Variants in FSTL5 observed in about 807,000 individuals in gnomAD.
FSTL5 encodes the protein follistatin like 5.
In FSTL5, 62 loss-of-function variants were observed where a neutral mutation model predicts 89.1. That is an observed-to-expected ratio of 0.70 (90% confidence interval 0.57 to 0.86). FSTL5 has a LOEUF of 0.86. Ranked by LOEUF, FSTL5 falls within the 40% of genes least tolerant of loss-of-function variation. FSTL5 has a pLI of 0.00. For missense variants in FSTL5, 1,057 were observed against 1,001.6 expected, an observed-to-expected ratio of 1.06 and a Z score of -0.75; for synonymous variants, 383 against 346.2, an observed-to-expected ratio of 1.11 and a Z score of -1.18.
intron 2 of FSTL5, among the ~76,000 whole-genome samples, chr4:162,051,097 C>A (rs1268969766): frequency 1.3e-5 from 2 of 151,300 alleles, no homozygotes; most frequent in Non-Finnish European, 3.0e-5. Context: ...TATGTGTGTG[C>A]AGGGGAGGAT....
chr4:161,898,025 G>T (rs1028442067), intron 4 of FSTL5, among the ~76,000 whole-genome samples: 1 of 150,206 alleles, frequency 6.7e-6, no homozygotes, highest in Non-Finnish European at 1.5e-5. Context: ...TGAATGTAAG[G>T]TCTCTCCATT....
At chr4:161,926,991 TA>T (rs1192333040) in intron 3 of FSTL5, among the ~76,000 whole-genome samples, 2 of 151,806 alleles carry the variant, frequency 1.3e-5, no homozygotes, top group African/African-American at 4.8e-5. Flanking sequence ...TTATGATATT[TA>T]AGGTCTTCTT....
At chr4:161,791,597 GC>G (rs141343881) in intron 4 of FSTL5, among the ~76,000 whole-genome samples, 147 of 152,212 alleles carry the variant, frequency 9.7e-4, no homozygotes, top group African/African-American at 3.5e-3. Flanking sequence ...ACAATAGCAC[GC>G]CGTGGGTCAC....
At chr4:161,962,907 G>T (rs1444579057) in intron 3 of FSTL5, among the ~76,000 whole-genome samples, 1 of 151,888 alleles carries the variant, frequency 6.6e-6, no homozygotes, top group East Asian at 1.9e-4. Context: ...AATTTCATAT[G>T]CTAGATTCAT....
chr4:161,671,549 C>A (rs1039917335), intron 6 of FSTL5, among the ~76,000 whole-genome samples: 1 of 152,106 alleles, frequency 6.6e-6, no homozygotes, highest in Non-Finnish European at 1.5e-5. Flanking sequence ...TCCTTAGACA[C>A]ATGTAAGTTT....
chr4:161,404,995 C>G (rs991841211), intron 15 of FSTL5, among the ~76,000 whole-genome samples: 3 of 152,088 alleles, frequency 2.0e-5, no homozygotes, highest in African/African-American at 7.2e-5. Flanking sequence ...CTTTGGGAGG[C>G]CGAGGTGAGT....
chr4:161,415,560 T>C (rs993299487), intron 15 of FSTL5, among the ~76,000 whole-genome samples: 6 of 151,890 alleles, frequency 4.0e-5, no homozygotes, highest in South Asian at 2.1e-4. Context: ...CGGCCGTCTC[T>C]TCACTTTTGA....
chr4:161,560,971 T>A (rs1210973509), intron 8 of FSTL5, among the ~76,000 whole-genome samples: 1 of 152,000 alleles, frequency 6.6e-6, no homozygotes, highest in Non-Finnish European at 1.5e-5. Context: ...GTATACATAA[T>A]TGTATATGCC....
chr4:161,549,159 AT>A (rs1459753512), intron 8 of FSTL5, among the ~76,000 whole-genome samples: 1 of 151,796 alleles, frequency 6.6e-6, no homozygotes, highest in African/African-American at 2.4e-5. Context: ...AGACATTTTG[AT>A]TGAGACAAAT....
intron 3 of FSTL5, among the ~76,000 whole-genome samples, chr4:162,015,298 C>T (rs548318032): frequency 1.9e-4 from 29 of 152,212 alleles, no homozygotes; most frequent in Non-Finnish European, 3.4e-4. Flanking sequence ...GGAAGTGTGA[C>T]GGATTTAGTT....
intron 6 of FSTL5, among the ~76,000 whole-genome samples, chr4:161,673,880 G>A (rs1228023304): frequency 1.3e-5 from 2 of 151,660 alleles, no homozygotes; most frequent in African/African-American, 4.8e-5. Flanking sequence ...GAATTAACAG[G>A]ATATTTCAAT....
intron 4 of FSTL5, among the ~76,000 whole-genome samples, chr4:161,867,096 A>T (rs1732115992): frequency 6.6e-6 from 1 of 152,166 alleles, no homozygotes; most frequent in Middle Eastern, 3.4e-3. Context: ...TCAGAGCCTC[A>T]GTTCAAATTC....
chr4:161,494,641 ATAATTTT>A (rs1353915931), intron 12 of FSTL5, among the ~76,000 whole-genome samples: 1 of 152,180 alleles, frequency 6.6e-6, no homozygotes, highest in Admixed American at 6.6e-5. Context: ...TAAAGGTAAA[ATAATTTT>A]GGTTTGTGGA....
rs938123159 is a variant in FSTL5, at chr4:161,397,275, C to T, written c.1842-10826G>A. Among the ~76,000 whole-genome samples, 23 of 151,904 alleles carry T rather than the reference C, an allele frequency of 1.5e-4. No homozygotes were observed. In the East Asian group the frequency reaches 1.9e-3, roughly 13 times the overall value. ...ATGCACATAAAAACCTCTATATACA[C>T]GCACATACATACTACACTCCATTGT... On this transcript the variant is annotated intron_variant, in intron 15 of 15. Transcript: ENST00000306100.
At chr4:161,647,322 C>T (rs1273848958) in intron 7 of FSTL5, among the ~76,000 whole-genome samples, 4 of 152,154 alleles carry the variant, frequency 2.6e-5, no homozygotes, top group Admixed American at 6.5e-5. Flanking sequence ...ATGCACAAAC[C>T]GTGTATATTG....
At chr4:161,773,335 T>C (rs1741277855) in intron 5 of FSTL5, among the ~76,000 whole-genome samples, 11 of 151,890 alleles carry the variant, frequency 7.2e-5, no homozygotes, top group Admixed American at 7.2e-4. Context: ...AAAACAAAGA[T>C]AAATAGATGA....
intron 1 of FSTL5, among the ~76,000 whole-genome samples, chr4:162,155,010 A>G (rs1307949928): frequency 6.6e-6 from 1 of 152,162 alleles, no homozygotes; most frequent in East Asian, 1.9e-4. Context: ...GTAAAACTTC[A>G]ACCAGGTACA....
intron 10 of FSTL5, among the ~76,000 whole-genome samples, chr4:161,514,238 C>T (rs533832860): frequency 2.1e-4 from 32 of 151,908 alleles, no homozygotes; most frequent in Non-Finnish European, 4.0e-4. Context: ...CACACACACA[C>T]ACATACACAC....
intron 1 of FSTL5, among the ~76,000 whole-genome samples, chr4:162,157,314 G>GA (rs1733518868): frequency 6.6e-6 from 1 of 151,848 alleles, no homozygotes; most frequent in East Asian, 1.9e-4. Context: ...CTGACTGCCA[G>GA]AAAAAAAATA....
Sources: allele counts gnomAD v4.1 joint callset (sites outside exome capture counted in the v4.1 genomes callset), GRCh38; gene constraint gnomAD v4.1.1; transcripts MANE v1.5; gene names NCBI Gene and HGNC (gene_info 2026-07-23, HGNC 2026-07-21).